The following DNMT3A variants were observed in gnomAD, a reference collection of about 807,000 sequenced individuals.
The protein encoded by DNMT3A is DNA methyltransferase 3 alpha.
DNMT3A carries 267 observed loss-of-function variants against 117.6 expected under a neutral mutation model. The ratio of observed to expected loss-of-function variants is 2.27; its 90% CI spans 2.05 to 2.51. The LOEUF (loss-of-function observed/expected upper bound fraction) is 2.51. Among genes scored for constraint, DNMT3A ranks in the 30% most tolerant of loss-of-function variants. The pLI is 0.00. For missense variants in DNMT3A, 1,029 were observed against 1,260.2 expected (o/e 0.82, Z 2.78); for synonymous variants, 432 against 474.8 (o/e 0.91, Z 1.17).
At chr2:25,240,606 G>A (rs1378079095) in intron 18 of DNMT3A, 34 bp downstream of exon 18, 1 of 1,611,584 alleles carries the variant, frequency 6.2e-7, no homozygotes, top group South Asian at 1.1e-5. Context: ...GGAAGCACCA[G>A]CTGAGAAGGT....
intron 6 of DNMT3A, among the ~76,000 whole-genome samples, chr2:25,251,451 T>G (rs1434600878): frequency 6.6e-6 from 1 of 152,120 alleles, no homozygotes; most frequent in Non-Finnish European, 1.5e-5. Flanking sequence ...CCCCTGGGCC[T>G]GGAGTCCGTC....
At chr2:25,307,079 C>T (rs2033818175) in intron 2 of DNMT3A, among the ~76,000 whole-genome samples, 1 of 152,238 alleles carries the variant, frequency 6.6e-6, no homozygotes, top group East Asian at 1.9e-4. Context: ...CATCATCCTG[C>T]TCTGGGCGCC....
intron 2 of DNMT3A, among the ~76,000 whole-genome samples, chr2:25,310,339 C>T (rs1251750531): frequency 6.6e-6 from 1 of 151,790 alleles, no homozygotes; most frequent in Non-Finnish European, 1.5e-5. Flanking sequence ...CCCACCCACC[C>T]TCCATGAGGC....
At chr2:25,248,555 A>AT (rs35815470) in intron 6 of DNMT3A, among the ~76,000 whole-genome samples, 34,138 of 148,152 alleles carry the variant, frequency 0.23, 4,558 homozygotes, top group Non-Finnish European at 0.33. Context: ...TTATTTATTT[A>AT]TTTTTTTTTT....
chr2:25,321,742 C>T (rs962811972), intron 1 of DNMT3A, among the ~76,000 whole-genome samples: 16 of 152,110 alleles, frequency 1.1e-4, no homozygotes, highest in African/African-American at 1.4e-4. Flanking sequence ...CAAAATTAGC[C>T]GAGTGTGGTG....
intron 10 of DNMT3A, 126 bp from the exon 11 acceptor site, chr2:25,246,435 G>T: frequency 6.9e-7 from 1 of 1,443,538 alleles, no homozygotes; most frequent in Non-Finnish European, 9.3e-7. Flanking sequence ...CAACTCTACG[G>T]TTCTAGCCAA....
chr2:25,235,131 G>C (rs775281002), intron 22 of DNMT3A, among the ~76,000 whole-genome samples: 3 of 151,888 alleles, frequency 2.0e-5, no homozygotes, highest in Admixed American at 2.0e-4. Context: ...GGTTCCCTGG[G>C]GGATCAGCAG....
In DNMT3A at chr2:25,246,460, G is replaced by A. The variant is rs1160923558; in HGVS notation, c.1280-151C>T. On this transcript the variant is annotated intron_variant, in intron 10 of 22. Coordinates refer to ENST00000321117, the MANE Select transcript of DNMT3A (RefSeq NM_022552.5). ...GTTCTAGCCAACCAACAGAGAGCAGGTCATTCAAGTCCTGACCCCAGGGCA... is the reference window on the plus strand; with the variant it reads ...GTTCTAGCCAACCAACAGAGAGCAGATCATTCAAGTCCTGACCCCAGGGCA... 8 of 1,424,780 alleles carry A rather than the reference G, an allele frequency of 5.6e-6. No homozygotes were observed. The African/African-American group carries it at 5.8e-5, about 10-fold the overall frequency. The allele number at this position is 1,424,780 out of a possible 1,614,324, so 88.3% of individuals were successfully genotyped here. A position where few individuals can be genotyped will look rare whatever the true frequency, so the allele number is the denominator to read the frequency against.
At chr2:25,249,246 G>A (rs1271044290) in intron 6 of DNMT3A, among the ~76,000 whole-genome samples, 2 of 152,106 alleles carry the variant, frequency 1.3e-5, no homozygotes, top group Admixed American at 1.3e-4. Flanking sequence ...AAAAGCAAGG[G>A]GGACCCTCTC....
chr2:25,237,278 T>C lies in DNMT3A; in HGVS notation c.2409-273A>G, dbSNP rs1673476880. ...AAATTGTGAACAGGCAGATAACACC[T>C]AGCAGAAAAAGAAAAAAAAAGCACA... is the stretch of plus-strand genomic sequence containing the variant. On this transcript the variant is annotated intron_variant, in intron 20 of 22. Coordinates refer to ENST00000321117, the MANE Select transcript of DNMT3A (RefSeq NM_022552.5). The surrounding 1 kb of genome is among the most constrained non-coding windows in gnomAD (Gnocchi z 5.4). Among the ~76,000 whole-genome samples, 1 of 152,070 alleles carries C rather than the reference T, an allele frequency of 6.6e-6. No individual in the cohort carries two copies. Among genetic ancestry groups the C allele is most frequent in the African/African-American group, 2.4e-5 (1 of 41,394 alleles).
At position 25,292,455 on chromosome 2, in the gene DNMT3A, T is replaced by A. The variant is rs556748331; in HGVS notation, c.177+7684A>T. 2.2e-4 allele frequency among the ~76,000 whole-genome samples: 33 copies of A among 152,286 alleles called. 1 individual carries two copies. The highest frequency in any genetic ancestry group is 7.7e-4 in the African/African-American group (32 of 41,546). On this transcript the variant is annotated intron_variant, in intron 3 of 22. Transcript: ENST00000321117. ...TGCTTCTGTTTTCAATTTCTGCCAA[T>A]CCTAGGGTGACAGGTTTGGTAAGAA...
At chr2:25,338,394 C>G (rs2035287863) in intron 1 of DNMT3A, among the ~76,000 whole-genome samples, 1 of 152,186 alleles carries the variant, frequency 6.6e-6, no homozygotes, top group African/African-American at 2.4e-5. Context: ...CTACCTGGAT[C>G]CCAAAAAGAG....
chr2:25,301,509 C>T (rs1573458920), intron 2 of DNMT3A, among the ~76,000 whole-genome samples: 1 of 152,156 alleles, frequency 6.6e-6, no homozygotes, highest in East Asian at 1.9e-4. Flanking sequence ...GTTTGTTTTA[C>T]TCCCCGCCCC....
Position 25,311,135 on chromosome 2 carries a change from G to A in DNMT3A, c.72+2778C>T, listed in dbSNP as rs1010180823. On this transcript the variant is annotated intron_variant, in intron 2 of 22. Coordinates refer to ENST00000321117, the MANE Select transcript of DNMT3A (RefSeq NM_022552.5). The surrounding 1 kb of genome is among the most constrained non-coding windows in gnomAD (Gnocchi z 5.2). ...TGGAGGCGGGGCTGGGGGCGGGGGC[G>A]GGGAGGGGGGGCGGCGGTGGGCAGA... is the stretch of plus-strand genomic sequence containing the variant. 2.0e-5 allele frequency among the ~76,000 whole-genome samples: 3 copies of A among 149,114 alleles called. No individual in the cohort carries two copies. Among genetic ancestry groups the A allele is most frequent in the African/African-American group, 7.4e-5 (3 of 40,642 alleles).
chr2:25,250,580 A>T (rs1192567231), intron 6 of DNMT3A, among the ~76,000 whole-genome samples: 1 of 152,084 alleles, frequency 6.6e-6, no homozygotes, highest in Non-Finnish European at 1.5e-5. Context: ...CTCCCCTACG[A>T]GAAGGTGCAC....
chr2:25,340,538 C>A (rs980998173), intron 1 of DNMT3A, among the ~76,000 whole-genome samples: 5 of 151,934 alleles, frequency 3.3e-5, no homozygotes, highest in Non-Finnish European at 7.4e-5. Flanking sequence ...GCAGGGCGGC[C>A]TGGGGGAGGG....
chr2:25,341,620 C>G (rs2035459733), intron 1 of DNMT3A, among the ~76,000 whole-genome samples: 1 of 146,902 alleles, frequency 6.8e-6, no homozygotes, highest in African/African-American at 2.4e-5. Flanking sequence ...TAAACAAACC[C>G]TCAAATCCCC....
At chr2:25,275,132 C>G in intron 5 of DNMT3A, 45 bp from the exon 6 acceptor site, 1 of 1,514,364 alleles carries the variant, frequency 6.6e-7, no homozygotes, top group South Asian at 1.2e-5. Flanking sequence ...TGGGCACTGA[C>G]GGACCCACCA....
chr2:25,333,951 G>A (rs1312100609), intron 1 of DNMT3A, among the ~76,000 whole-genome samples: 1 of 152,150 alleles, frequency 6.6e-6, no homozygotes. Flanking sequence ...ACTCCCGAAC[G>A]CCTTTTTTGC....
Sources: gnomAD v4.1 joint callset for allele counts (sites outside exome capture counted in the v4.1 genomes callset) on GRCh38, gnomAD v4.1.1 for gene constraint, Gnocchi (gnomAD v3.1) non-coding constraint, MANE v1.5 for transcripts, NCBI Gene and HGNC (gene_info 2026-07-23, HGNC 2026-07-21) for gene names.